The following ETV5 variants were observed in gnomAD, a reference collection of about 807,000 sequenced individuals.
ETV5 encodes the protein ETS variant transcription factor 5, also known as ETS translocation variant 5.
ETV5 carries 10 observed loss-of-function variants against 70.0 expected under a neutral mutation model. The observed-to-expected ratio is 0.14, with a 90% CI of 0.09 to 0.24. The LOEUF (loss-of-function observed/expected upper bound fraction) is 0.24, where lower values mean the gene tolerates loss of function less well. Ranked by LOEUF, ETV5 falls within the 10% of genes least tolerant of loss-of-function variation. The probability of loss-of-function intolerance (pLI) is 1.00; values close to 1 mark genes in which losing one functional copy is unlikely to be tolerated. For synonymous variants in ETV5, 216 were observed against 242.2 expected (o/e 0.89, Z 1.01); for missense variants, 453 against 651.2 (o/e 0.70, Z 3.31).
chr3:186,102,088 G>A (rs1385868841), intron 5 of ETV5, among the ~76,000 whole-genome samples: 2 of 151,902 alleles, frequency 1.3e-5, no homozygotes, highest in East Asian at 3.9e-4. Flanking sequence ...ACTTAAGGAT[G>A]TATCCCTATG....
intron 7 of ETV5, among the ~76,000 whole-genome samples, chr3:186,073,289 TA>T (rs1429502857): frequency 6.6e-6 from 1 of 152,252 alleles, no homozygotes; most frequent in Non-Finnish European, 1.5e-5. Flanking sequence ...ATAGTTTATG[TA>T]AAATAAAAGT....
At chr3:186,080,657 G>C (rs1713910778) in intron 6 of ETV5, 2 of 231,238 alleles carry the variant, frequency 8.6e-6, no homozygotes, top group East Asian at 6.2e-5. Flanking sequence ...CAAGCTTCAA[G>C]ACTTTTTCAT....
At position 186,077,484 on chromosome 3, in the gene ETV5, C is replaced by T. The variant is rs553800771; in HGVS notation, c.650+2333G>A. ...AAAAATCACTGTCACGTTTTTGATG[C>T]GTTTTATGTCACATAGATATCACGT... On this transcript the variant is annotated intron_variant, in intron 7 of 12. Coordinates refer to ENST00000306376, the MANE Select transcript of ETV5 (RefSeq NM_004454.3). 2.0e-5 allele frequency among the ~76,000 whole-genome samples: 3 copies of T among 152,138 alleles called. No homozygotes were observed. The South Asian group carries it at 6.2e-4, about 32-fold the overall frequency.
In ETV5 at chr3:186,079,980, C is replaced by T. The variant is rs1713892341; in HGVS notation, c.487G>A (p.Ala163Thr). 1.3e-6 allele frequency: 2 copies of T among 1,583,356 alleles called. No homozygotes were observed. The highest frequency in any genetic ancestry group is 1.8e-5 in the Admixed American group (1 of 54,730). Residue 163 changes from alanine (A) to threonine (T), a missense_variant, in exon 7 of 13, where the codon GCC (alanine) becomes ACC (threonine). This residue lies in a region of ETV5 where 307 missense variants were observed against 344.9 expected (regional missense o/e 0.89). Coordinates refer to ENST00000306376, the MANE Select transcript of ETV5 (RefSeq NM_004454.3). ...CCTTGAACTGGGCCAGCTGCAGGGG[C>T]ATGCCCTGAGGTGGGCAGAGTTGCC... ...PQATLPTSGH[A>T]PAAGPVQGVG...
At chr3:186,091,022 G>T (rs1486856510) in intron 5 of ETV5, among the ~76,000 whole-genome samples, 1 of 152,148 alleles carries the variant, frequency 6.6e-6, no homozygotes, top group Non-Finnish European at 1.5e-5. Flanking sequence ...CCTTAGTGTG[G>T]AATCAAGGCC....
In ETV5 at chr3:186,057,571, G is replaced by A. The variant is rs1197814188; in HGVS notation, c.971-80C>T. 1 of 1,191,766 alleles carries A rather than the reference G, an allele frequency of 8.4e-7. No homozygotes were observed. 73.8% of individuals were successfully genotyped at this position (1,191,766 alleles called of 1,614,324 possible). ...TAAAACTATGGATTTAAGGACTAGAGTGCAATCCTATCATTTCAGATCCTA... is the reference window on the plus strand; with the variant it reads ...TAAAACTATGGATTTAAGGACTAGAATGCAATCCTATCATTTCAGATCCTA... On this transcript the variant is annotated intron_variant, in intron 9 of 12. Coordinates refer to ENST00000306376, the MANE Select transcript of ETV5 (RefSeq NM_004454.3). The surrounding 1 kb of genome is among the most constrained non-coding windows in gnomAD (Gnocchi z 4.9).
intron 6 of ETV5, chr3:186,080,780 T>C (rs1713913808): frequency 3.6e-6 from 1 of 275,050 alleles, no homozygotes; most frequent in African/African-American, 2.2e-5. Flanking sequence ...TATCCCAGGA[T>C]TGAGACTCTT....
At position 186,054,757 on chromosome 3, in the gene ETV5, G is replaced by A. The variant is rs1713116616; in HGVS notation, c.1209+2318C>T. ...CTTCTTACAGCTTTTTCCAGAAGCT[G>A]GTATCTTCCTGACATTAACAAGAAC... On this transcript the variant is annotated intron_variant, in intron 11 of 12. Transcript: ENST00000306376. This position sits in a 1 kb window ranked among gnomAD's most constrained non-coding sequence, Gnocchi z 4.4. 6.6e-6 allele frequency among the ~76,000 whole-genome samples: 1 copy of A among 152,118 alleles called. No homozygotes were observed. The highest frequency in any genetic ancestry group is 1.5e-5 in the Non-Finnish European group (1 of 68,032).
At chr3:186,081,895 G>T (rs1376755712) in intron 5 of ETV5, among the ~76,000 whole-genome samples, 1 of 152,192 alleles carries the variant, frequency 6.6e-6, no homozygotes, top group Non-Finnish European at 1.5e-5. Flanking sequence ...TGCGTAACCA[G>T]TCCTTTCATA....
intron 12 of ETV5, among the ~76,000 whole-genome samples, chr3:186,050,013 G>A (rs1384039199): frequency 1.3e-5 from 2 of 152,112 alleles, no homozygotes; most frequent in Admixed American, 6.6e-5. Context: ...ACACACCGAC[G>A]GGCTATCATT....
At chr3:186,106,241 T>C (rs1216375896) in intron 1 of ETV5, among the ~76,000 whole-genome samples, 1 of 152,058 alleles carries the variant, frequency 6.6e-6, no homozygotes, top group African/African-American at 2.4e-5. Flanking sequence ...AATAAATAAA[T>C]AAAATAAAAT....
chr3:186,083,192 C>T (rs1249718560), intron 5 of ETV5, among the ~76,000 whole-genome samples: 2 of 152,222 alleles, frequency 1.3e-5, no homozygotes, highest in East Asian at 1.9e-4. Flanking sequence ...AGCACTGCCC[C>T]GTGGTCACTG....
At chr3:186,078,996 G>A (rs4077189) in intron 7 of ETV5, 91,598 of 1,015,176 alleles carry the variant, frequency 0.09, 4,281 homozygotes, top group South Asian at 0.12. Flanking sequence ...CCCCCACACC[G>A]ATCCACCTAA....
intron 5 of ETV5, among the ~76,000 whole-genome samples, chr3:186,088,515 AG>A (rs990110606): frequency 6.6e-6 from 1 of 152,120 alleles, no homozygotes; most frequent in Non-Finnish European, 1.5e-5. Context: ...TTCCCTCTAG[AG>A]GAAGAATTAC....
At chr3:186,084,339 T>C (rs1438296414) in intron 5 of ETV5, 1 of 371,596 alleles carries the variant, frequency 2.7e-6, no homozygotes, top group Middle Eastern at 5.5e-4. Flanking sequence ...TCTTCTGCAA[T>C]TAGAAACTTT....
At position 186,047,797 on chromosome 3, in the gene ETV5, TGTTTTTC is replaced by T. The variant is rs964266811; in HGVS notation, c.*835_*841del. 3.4e-5 allele frequency: 8 copies of T among 233,394 alleles called. No homozygotes were observed. The highest frequency in any genetic ancestry group is 6.6e-5 in the African/African-American group (3 of 45,352). The allele number at this position is 233,394 out of a possible 1,614,324, so 14.5% of individuals were successfully genotyped here. On this transcript the variant is annotated 3_prime_UTR_variant, in exon 13 of 13. Transcript: ENST00000306376. Reference sequence around the variant, plus strand: ...TACCAAAAGGTTTGTTTTTGTTTTTTGTTTTTCGTTTTTTTGCTTTAAATACCAAAAC... The same window carrying T: ...TACCAAAAGGTTTGTTTTTGTTTTTTGTTTTTTTGCTTTAAATACCAAAAC...
rs900462468 is a variant in ETV5 at position 186,109,044 on chromosome 3, C to G, written c.-179G>C. 6.6e-6 allele frequency: 1 copy of G among 152,598 alleles called. No homozygotes were observed. Among genetic ancestry groups the G allele is most frequent in the Admixed American group, 6.5e-5 (1 of 15,286 alleles). The allele number at this position is 152,598 out of a possible 1,614,324, so 9.5% of individuals were successfully genotyped here. On this transcript the variant is annotated 5_prime_UTR_variant, in exon 1 of 13. Transcript: ENST00000306376. ...GCCTGGGCGAAAGGCTGGGCCGAACCGCTCCGAAGACGGTGAACCGCTCCG... is the reference window on the plus strand; with the variant it reads ...GCCTGGGCGAAAGGCTGGGCCGAACGGCTCCGAAGACGGTGAACCGCTCCG...
At chr3:186,094,676 C>T (rs914767698) in intron 5 of ETV5, among the ~76,000 whole-genome samples, 3 of 152,118 alleles carry the variant, frequency 2.0e-5, no homozygotes, top group Admixed American at 2.0e-4. Context: ...AGAATTAGAC[C>T]AACTTCGATT....
chr3:186,089,144 T>A (rs1186164264), intron 5 of ETV5, among the ~76,000 whole-genome samples: 2 of 152,182 alleles, frequency 1.3e-5, no homozygotes, highest in African/African-American at 2.4e-5. Flanking sequence ...AGTGGACAGG[T>A]TCTGGCACTT....
Sources: gnomAD v4.1 joint callset for allele counts (sites outside exome capture counted in the v4.1 genomes callset) on GRCh38, gnomAD v4.1.1 for gene constraint, gnomAD v4.1.1 regional missense constraint, Gnocchi (gnomAD v3.1) non-coding constraint, MANE v1.5 for transcripts, NCBI Gene and HGNC (gene_info 2026-07-23, HGNC 2026-07-21) for gene names.